INTS9: variants seen among roughly 807,000 people sequenced by gnomAD.
INTS9 encodes the protein integrator complex subunit 9.
In INTS9, 55 loss-of-function variants were observed where a neutral mutation model predicts 79.7. That is an observed-to-expected ratio of 0.69 (90% confidence interval 0.56 to 0.86). The LOEUF is 0.86. Among genes scored for constraint, INTS9 ranks in the 40% least tolerant of loss-of-function variants. The pLI is 0.00. For missense variants in INTS9, 721 were observed against 831.5 expected (o/e 0.87, Z 1.64); for synonymous variants, 319 against 325.2 (o/e 0.98, Z 0.20).
At chr8:28,873,979 G>A (rs750655762) in intron 1 of INTS9, among the ~76,000 whole-genome samples, 4 of 152,090 alleles carry the variant, frequency 2.6e-5, no homozygotes, top group Non-Finnish European at 5.9e-5. Context: ...TTGCCCCCTG[G>A]TGTATTTGTG....
In INTS9 at chr8:28,793,919, G is replaced by C; in HGVS notation, c.925C>G (p.Leu309Val). 6.2e-7 allele frequency: 1 copy of C among 1,614,076 alleles called. No individual in the cohort carries two copies. Among genetic ancestry groups the C allele is most frequent in the East Asian group, 2.2e-5 (1 of 44,896 alleles). Residue 309 changes from leucine (L) to valine (V), a missense_variant, in exon 10 of 17, where the codon CTG becomes GTG. By Grantham distance (32) the Leu-to-Val change is conservative. Coordinates refer to ENST00000521022, the MANE Select transcript of INTS9 (RefSeq NM_018250.4). The part of the protein sequence containing the change: ...CYPSGVIYDL[L>V]ECLYQYIDSA... The stretch of plus-strand genomic sequence containing the variant: ...TCGATGTACTGATATAGGCACTCCA[G>C]GAGGTCATAGATCACTCCAGAAGGG...
Position 28,837,749 on chromosome 8 carries a change from C to G in INTS9, c.289G>C (p.Asp97His). 6.2e-7 allele frequency: 1 copy of G among 1,613,866 alleles called. No homozygotes were observed. The change falls in exon 5 of 17, where the codon GAT (aspartate) becomes CAT (histidine). Residue 97 changes from aspartate to histidine, a missense_variant. Transcript: ENST00000521022. The part of the protein sequence containing the change: ...ETELIDLSTV[D>H]VILISNYHCM... ...TGATAGTTAGAGATGAGAATCACAT[C>G]TACTGTAGACAGATCTATTAGCTCC...
At chr8:28,849,655 C>T (rs1807716639) in intron 3 of INTS9, among the ~76,000 whole-genome samples, 1 of 152,102 alleles carries the variant, frequency 6.6e-6, no homozygotes, top group South Asian at 2.1e-4. Context: ...ACACTCTGCT[C>T]CTGGACCGTT....
chr8:28,862,992 A>G (rs1481536358), intron 1 of INTS9, among the ~76,000 whole-genome samples: 1 of 152,230 alleles, frequency 6.6e-6, no homozygotes, highest in East Asian at 1.9e-4. Flanking sequence ...TCCTTGTAGC[A>G]GAGTTGCTGG....
intron 12 of INTS9, 77 bp from the exon 13 acceptor site, chr8:28,778,030 T>C: frequency 6.8e-7 from 1 of 1,463,776 alleles, no homozygotes; most frequent in Non-Finnish European, 9.1e-7. Flanking sequence ...ACTGGGGCGC[T>C]GAGGGCCCAC....
Position 28,768,267 on chromosome 8 carries a change from A to T in INTS9, c.1856T>A (p.Leu619His). ...CTGGATGAGCGTCTCAGCCTCCTGGAGCAGGACGATATGGCCCTTGGCTGT... is the reference window on the plus strand; with the variant it reads ...CTGGATGAGCGTCTCAGCCTCCTGGTGCAGGACGATATGGCCCTTGGCTGT... ...EDTAKGHIVL[L>H]QEAETLIQIE... The change falls in exon 17 of 17, where the codon CTC becomes CAC. Residue 619 changes from leucine to histidine, a missense_variant. Physicochemically the swap from Leu to His is moderately conservative, Grantham distance 99. This residue lies in a region of INTS9 where 281 missense variants were observed against 300.8 expected (regional missense o/e 0.93). Transcript: ENST00000521022. The T allele has an allele frequency of 6.2e-7, 1 of 1,614,082 alleles. No individual in the cohort carries two copies. The highest frequency in any genetic ancestry group is 8.5e-7 in the Non-Finnish European group (1 of 1,180,004).
chr8:28,820,629 G>T (rs560297126), intron 6 of INTS9, among the ~76,000 whole-genome samples: 1 of 152,198 alleles, frequency 6.6e-6, no homozygotes, highest in African/African-American at 2.4e-5. Context: ...TGCTCTTCTC[G>T]AGGAGTAGCT....
At chr8:28,876,256 T>G (rs2131356508) in intron 1 of INTS9, among the ~76,000 whole-genome samples, 1 of 152,320 alleles carries the variant, frequency 6.6e-6, no homozygotes, top group East Asian at 1.9e-4. Context: ...CCCTGTGTTT[T>G]GGCTAGGGAT....
intron 8 of INTS9, among the ~76,000 whole-genome samples, chr8:28,807,975 G>C (rs751635150): frequency 4.6e-5 from 7 of 152,158 alleles, no homozygotes; most frequent in Non-Finnish European, 8.8e-5. Context: ...AATTCAGCAT[G>C]GTTGCTAAAT....
chr8:28,859,634 T>C, intron 1 of INTS9, 71 bp from the exon 2 acceptor site: 1 of 1,510,884 alleles, frequency 6.6e-7, no homozygotes, highest in Non-Finnish European at 9.2e-7. Flanking sequence ...GTGAATTAAA[T>C]AACTCTGACG....
At chr8:28,887,169 T>C (rs1810213234) in intron 1 of INTS9, among the ~76,000 whole-genome samples, 1 of 152,218 alleles carries the variant, frequency 6.6e-6, no homozygotes, top group East Asian at 1.9e-4. Context: ...CTGAAATATA[T>C]GAAGAAATTA....
chr8:28,885,386 T>C (rs1810129024), intron 1 of INTS9, among the ~76,000 whole-genome samples: 1 of 152,210 alleles, frequency 6.6e-6, no homozygotes, highest in East Asian at 1.9e-4. Context: ...TCCCAAAGGA[T>C]TAACATTAAT....
At chr8:28,886,520 TACAGTCATGAACC>T (rs1433320573) in intron 1 of INTS9, among the ~76,000 whole-genome samples, 1 of 152,208 alleles carries the variant, frequency 6.6e-6, no homozygotes, top group Non-Finnish European at 1.5e-5. Context: ...GTGCTGGGAT[TACAGTCATGAACC>T]ACTGCACCTG....
At chr8:28,831,708 C>T (rs560951111) in intron 6 of INTS9, among the ~76,000 whole-genome samples, 72 of 152,078 alleles carry the variant, frequency 4.7e-4, no homozygotes, top group Non-Finnish European at 9.7e-4. Flanking sequence ...GAAATATTGC[C>T]CTTTTTTTTA....
chr8:28,820,217 C>T (rs1805747630), intron 6 of INTS9, among the ~76,000 whole-genome samples: 1 of 152,114 alleles, frequency 6.6e-6, no homozygotes, highest in Non-Finnish European at 1.5e-5. Context: ...GGTTATTTTG[C>T]TCGTTAGTTG....
intron 1 of INTS9, among the ~76,000 whole-genome samples, chr8:28,882,987 C>A (rs1238090463): frequency 1.3e-5 from 2 of 152,186 alleles, no homozygotes; most frequent in Non-Finnish European, 1.5e-5. Flanking sequence ...AGGGTCTTCT[C>A]TATTTTCCCT....
At chr8:28,853,117 A>G (rs548385517) in intron 2 of INTS9, among the ~76,000 whole-genome samples, 1 of 152,358 alleles carries the variant, frequency 6.6e-6, no homozygotes, top group East Asian at 1.9e-4. Flanking sequence ...ATCTTTCCAC[A>G]GAAATCTAAT....
intron 3 of INTS9, 92 bp downstream of exon 3, chr8:28,850,121 C>T: frequency 1.1e-6 from 1 of 880,160 alleles, no homozygotes; most frequent in Admixed American, 2.5e-5. Flanking sequence ...AAAAAAAAGC[C>T]ATCAGTCACA....
intron 2 of INTS9, among the ~76,000 whole-genome samples, chr8:28,857,452 A>T (rs1485311688): frequency 2.6e-5 from 4 of 152,138 alleles, no homozygotes; most frequent in African/African-American, 9.7e-5. Flanking sequence ...GGGCAGAGTG[A>T]AGACTGGACA....
Sources: gnomAD v4.1 joint callset for allele counts (sites outside exome capture counted in the v4.1 genomes callset) on GRCh38, gnomAD v4.1.1 for gene constraint, gnomAD v4.1.1 regional missense constraint, MANE v1.5 for transcripts, NCBI Gene and HGNC (gene_info 2026-07-23, HGNC 2026-07-21) for gene names.